Variants in CAMTA1 observed in about 807,000 individuals in gnomAD.
CAMTA1 encodes calmodulin-binding transcription activator 1.
In CAMTA1, 27 loss-of-function variants were observed where a neutral mutation model predicts 170.9. The ratio of observed to expected loss-of-function variants is 0.16; its 90% CI spans 0.12 to 0.22. CAMTA1 has a LOEUF of 0.22. CAMTA1 is among the 10% of genes least tolerant of loss of function. The pLI, the probability that CAMTA1 is intolerant of heterozygous loss-of-function variation, is 1.00. For missense variants in CAMTA1, 1,619 were observed against 2,217.2 expected (o/e 0.73, Z 5.42); for synonymous variants, 833 against 891.5 (o/e 0.93, Z 1.17).
At chr1:7,621,611 T>C (rs1047622900) in intron 6 of CAMTA1, among the ~76,000 whole-genome samples, 2 of 152,226 alleles carry the variant, frequency 1.3e-5, no homozygotes, top group African/African-American at 4.8e-5. Context: ...CAGGTGCCTC[T>C]GCCCAGCAGT....
intron 11 of CAMTA1, among the ~76,000 whole-genome samples, chr1:7,712,416 G>C (rs919656473): frequency 6.6e-6 from 1 of 152,030 alleles, no homozygotes; most frequent in East Asian, 1.9e-4. Flanking sequence ...CACTGCCCAG[G>C]CTCAAGTGAT....
intron 3 of CAMTA1, among the ~76,000 whole-genome samples, chr1:6,923,648 C>G (rs1479787513): frequency 1.3e-5 from 2 of 152,152 alleles, no homozygotes; most frequent in African/African-American, 4.8e-5. Context: ...CTGGTGGTTT[C>G]CTGTGGCGGT....
At chr1:7,295,099 A>C (rs1673732015) in intron 5 of CAMTA1, among the ~76,000 whole-genome samples, 1 of 152,110 alleles carries the variant, frequency 6.6e-6, no homozygotes, top group Non-Finnish European at 1.5e-5. Flanking sequence ...TACTGACTCC[A>C]CCTTCACTTA....
intron 6 of CAMTA1, among the ~76,000 whole-genome samples, chr1:7,551,181 T>C (rs2094796737): frequency 6.6e-6 from 1 of 152,072 alleles, no homozygotes; most frequent in South Asian, 2.1e-4. Context: ...ACCCTGGGGC[T>C]TCCCTGCCCA....
rs147616212 is a variant in CAMTA1 at position 7,222,267 on chromosome 1, G to A, written c.303-27224G>A. On this transcript the variant is annotated intron_variant, in intron 4 of 22. Transcript: ENST00000303635. ...TGCAAGCCTGTCTTTTTCTGTGCTC[G>A]TCTGGGTGATGAGACATCGCCCGGG... is the stretch of plus-strand genomic sequence containing the variant. 3.9e-3 allele frequency among the ~76,000 whole-genome samples: 588 copies of A among 152,228 alleles called. 4 individuals are homozygous for A. Among genetic ancestry groups the A allele is most frequent in the Non-Finnish European group, 6.7e-3 (458 of 68,014 alleles).
chr1:7,644,929 C>T (rs1321684269), intron 7 of CAMTA1, among the ~76,000 whole-genome samples: 1 of 152,252 alleles, frequency 6.6e-6, no homozygotes, highest in Non-Finnish European at 1.5e-5. Context: ...AATTGCCCAT[C>T]TCAGTCCAAG....
intron 1 of CAMTA1, among the ~76,000 whole-genome samples, chr1:6,805,883 G>GTT (rs879665260): frequency 1.4e-5 from 2 of 141,808 alleles, no homozygotes; most frequent in Admixed American, 1.4e-4. Context: ...CTGTTTTTTT[G>GTT]TTTTTTTTTT....
chr1:7,549,768 T>C (rs1233009923), intron 6 of CAMTA1, among the ~76,000 whole-genome samples: 1 of 151,130 alleles, frequency 6.6e-6, no homozygotes, highest in Non-Finnish European at 1.5e-5. Context: ...AAGTGATATG[T>C]GTTGTAGGAA....
chr1:7,471,472 T>TC (rs1329569276), intron 6 of CAMTA1, among the ~76,000 whole-genome samples: 2 of 152,200 alleles, frequency 1.3e-5, no homozygotes, highest in Non-Finnish European at 2.9e-5. Flanking sequence ...GGCCACCTCT[T>TC]CCCCTCTGCT....
intron 6 of CAMTA1, among the ~76,000 whole-genome samples, chr1:7,544,883 A>G (rs1326245503): frequency 2.6e-5 from 4 of 152,170 alleles, no homozygotes; most frequent in Non-Finnish European, 4.4e-5. Context: ...GAGCTATTTC[A>G]TTCCCTCAGG....
chr1:7,276,303 A>ATATATTTTT lies in CAMTA1; in HGVS notation c.438+26678_438+26679insATATTTTTT. ...CATATATATATATATATATATATAT[A>ATATATTTTT]TTTTTTTTTTTTTTTTTTCTTTTTG... On this transcript the variant is annotated intron_variant, in intron 5 of 22. Transcript: ENST00000303635. 6.1e-3 allele frequency among the ~76,000 whole-genome samples: 148 copies of ATATATTTTT among 24,172 alleles called. 5 individuals are homozygous for ATATATTTTT. The highest frequency in any genetic ancestry group is 0.034 in the African/African-American group (114 of 3,310). 15.9% of individuals were successfully genotyped at this position (24,172 alleles called of 152,430 possible). A position where few individuals can be genotyped will look rare whatever the true frequency, so the allele number is the denominator to read the frequency against.
At chr1:7,400,324 CT>C (rs1407769353) in intron 5 of CAMTA1, among the ~76,000 whole-genome samples, 2 of 151,978 alleles carry the variant, frequency 1.3e-5, no homozygotes, top group Admixed American at 6.6e-5. Flanking sequence ...TTGTTTGGTT[CT>C]TTTTTTATAT....
chr1:7,589,279 A>G (rs2095336515), intron 6 of CAMTA1, among the ~76,000 whole-genome samples: 1 of 152,190 alleles, frequency 6.6e-6, no homozygotes, highest in Non-Finnish European at 1.5e-5. Flanking sequence ...GTGCCCAAGT[A>G]GGGGTGGGTG....
intron 6 of CAMTA1, among the ~76,000 whole-genome samples, chr1:7,539,912 C>T (rs548653788): frequency 5.3e-5 from 8 of 152,326 alleles, no homozygotes; most frequent in South Asian, 4.1e-4. Context: ...GATCAAGCAG[C>T]GCCCTCTGCT....
At chr1:7,683,494 G>C (rs1576841942) in intron 11 of CAMTA1, among the ~76,000 whole-genome samples, 1 of 152,172 alleles carries the variant, frequency 6.6e-6, no homozygotes, top group East Asian at 1.9e-4. Context: ...AGGGGAGCTG[G>C]AGAAGCACTG....
chr1:7,071,732 G>A (rs1466121742), intron 3 of CAMTA1, among the ~76,000 whole-genome samples: 3 of 152,192 alleles, frequency 2.0e-5, no homozygotes, highest in African/African-American at 7.2e-5. Flanking sequence ...ATCATTCAGA[G>A]ATTGACTCTT....
Position 7,210,192 on chromosome 1 carries a change from G to A in CAMTA1, c.303-39299G>A, listed in dbSNP as rs148015081. Among the ~76,000 whole-genome samples, 233 of 152,264 alleles carry A rather than the reference G, an allele frequency of 1.5e-3. 2 individuals carry two copies. The highest frequency in any genetic ancestry group is 5.2e-3 in the African/African-American group (218 of 41,542). On this transcript the variant is annotated intron_variant, in intron 4 of 22. Coordinates refer to ENST00000303635, the MANE Select transcript of CAMTA1 (RefSeq NM_015215.4). ...TAATAAAAACAATAGTCTGTTGTAG[G>A]ATCCAATTCAGAATCTCACGTTATG...
At chr1:6,916,366 C>T (rs1312655232) in intron 3 of CAMTA1, among the ~76,000 whole-genome samples, 6 of 152,110 alleles carry the variant, frequency 3.9e-5, no homozygotes, top group African/African-American at 9.7e-5. Flanking sequence ...ATCCAGGAGC[C>T]GCCGGCCGAG....
At chr1:7,255,868 T>C (rs1392431227) in intron 5 of CAMTA1, among the ~76,000 whole-genome samples, 4 of 152,180 alleles carry the variant, frequency 2.6e-5, no homozygotes, top group Non-Finnish European at 5.9e-5. Context: ...CCTCGTTGGT[T>C]GTGCATCTGG....
Sources: allele counts gnomAD v4.1 joint callset (sites outside exome capture counted in the v4.1 genomes callset), GRCh38; gene constraint gnomAD v4.1.1; transcripts MANE v1.5; gene names NCBI Gene and HGNC (gene_info 2026-07-23, HGNC 2026-07-21).